SMARCA2: variants seen among roughly 807,000 people sequenced by gnomAD.
The protein encoded by SMARCA2 is SWI/SNF-related matrix-associated actin-dependent regulator of chromatin subfamily A member 2.
SMARCA2 carries 61 observed loss-of-function variants against 199.8 expected under a neutral mutation model. The observed-to-expected ratio is 0.31, with a 90% confidence interval of 0.25 to 0.38. SMARCA2 has a LOEUF of 0.38. SMARCA2 is among the 10% of genes least tolerant of loss of function. SMARCA2 has a pLI of 1.00. For missense variants in SMARCA2, 1,344 were observed against 2,012.2 expected, an observed-to-expected ratio of 0.67 and a Z score of 6.35; for synonymous variants, 935 against 732.0, an observed-to-expected ratio of 1.28 and a Z score of -4.48.
In SMARCA2 at chr9:2,140,303, A is replaced by G. The variant is rs368535060; in HGVS notation, c.3981+16366A>G. ...CCATATTCATTTGCATTTAATTTTA[A>G]AATATCAATACACTGATGTCATGGT... On this transcript the variant is annotated intron_variant, in intron 27 of 33. Transcript: ENST00000349721. Among the ~76,000 whole-genome samples the G allele has an allele frequency of 2.6e-5, 4 of 152,310 alleles. No individual in the cohort carries two copies. The East Asian group carries it at 5.8e-4, about 22-fold the overall frequency.
intron 5 of SMARCA2, among the ~76,000 whole-genome samples, chr9:2,054,184 A>G (rs1480531621): frequency 6.6e-6 from 1 of 152,230 alleles, no homozygotes; most frequent in African/African-American, 2.4e-5. Context: ...GCCTTAGGAC[A>G]GAACTAGAAG....
intron 12 of SMARCA2, chr9:2,075,084 C>G (rs1348769462): frequency 6.6e-6 from 1 of 152,320 alleles, no homozygotes; most frequent in African/African-American, 2.4e-5. Context: ...CTGAGAATGA[C>G]AAGCACAGAC....
chr9:2,119,591 G>C lies in SMARCA2; in HGVS notation c.3762+56G>C. On this transcript the variant is annotated intron_variant, in intron 26 of 33. Transcript: ENST00000349721. The surrounding 1 kb of genome is among the most constrained non-coding windows in gnomAD (Gnocchi z 4.6). ...GCTTTATACCTCTGCCCCTTTTTCT[G>C]TTAAGCAGAATGTCTGCAGCCTGCG... The C allele has an allele frequency of 2.4e-6, 3 of 1,231,578 alleles. No individual in the cohort carries two copies. Among genetic ancestry groups the C allele is most frequent in the Non-Finnish European group, 3.6e-6 (3 of 837,202 alleles). The allele number at this position is 1,231,578 out of a possible 1,614,324, so 76.3% of individuals were successfully genotyped here. A position where few individuals can be genotyped will look rare whatever the true frequency, so the allele number is the denominator to read the frequency against.
At chr9:2,128,864 A>C (rs1215509242) in intron 27 of SMARCA2, among the ~76,000 whole-genome samples, 1 of 152,098 alleles carries the variant, frequency 6.6e-6, no homozygotes, top group Non-Finnish European at 1.5e-5. Flanking sequence ...TTGCATTTCA[A>C]CCCAGCTGCA....
At chr9:2,062,220 T>A (rs994993879) in intron 9 of SMARCA2, among the ~76,000 whole-genome samples, 2 of 152,068 alleles carry the variant, frequency 1.3e-5, no homozygotes, top group Non-Finnish European at 2.9e-5. Flanking sequence ...CCAGAAAAAA[T>A]TTTTAAAAAT....
At chr9:2,132,325 G>C (rs1003676862) in intron 27 of SMARCA2, among the ~76,000 whole-genome samples, 1 of 152,238 alleles carries the variant, frequency 6.6e-6, no homozygotes, top group Non-Finnish European at 1.5e-5. Context: ...GCTGCATTAA[G>C]TATGATCCAG....
intron 29 of SMARCA2, 148 bp from the exon 30 acceptor site, chr9:2,181,423 G>C (rs1305723270): frequency 1.0e-5 from 6 of 601,702 alleles, no homozygotes; most frequent in African/African-American, 3.8e-5. Context: ...CTCCAATAGA[G>C]TTGTGGGATT....
chr9:2,187,975 G>C (rs1291464900), intron 32 of SMARCA2, among the ~76,000 whole-genome samples: 1 of 152,040 alleles, frequency 6.6e-6, no homozygotes, highest in African/African-American at 2.4e-5. Context: ...GGAAAAAAAG[G>C]TAACGTCTCA....
At chr9:2,107,321 AATTTAATTTT>A (rs920323761) in intron 23 of SMARCA2, among the ~76,000 whole-genome samples, 9 of 152,096 alleles carry the variant, frequency 5.9e-5, no homozygotes, top group African/African-American at 2.2e-4. Flanking sequence ...CAGTTTATTT[AATTTAATTTT>A]ATTTTATTTT....
chr9:2,159,673 G>A (rs1410492646), intron 27 of SMARCA2: 1 of 1,002,186 alleles, frequency 1.0e-6, no homozygotes, highest in Non-Finnish European at 1.4e-6. Context: ...GAAGGAGGAA[G>A]CCTTCGGGCC....
intron 23 of SMARCA2, among the ~76,000 whole-genome samples, chr9:2,105,862 A>G (rs1184960356): frequency 6.6e-6 from 1 of 152,194 alleles, no homozygotes; most frequent in Non-Finnish European, 1.5e-5. Context: ...ACTTTGTGGC[A>G]TTTCATTTCC....
At chr9:2,027,838 C>T (rs146615445) in intron 1 of SMARCA2, 2 of 152,222 alleles carry the variant, frequency 1.3e-5, no homozygotes, top group Admixed American at 6.5e-5. Flanking sequence ...AAAAGTTTCT[C>T]CATGTACAGA....
intron 32 of SMARCA2, among the ~76,000 whole-genome samples, chr9:2,189,388 T>A (rs1020225256): frequency 1.3e-5 from 2 of 152,050 alleles, no homozygotes; most frequent in African/African-American, 4.8e-5. Context: ...TGCGCCACAC[T>A]CCAAGGCACA....
chr9:2,078,806 G>A (rs938079083), intron 14 of SMARCA2, among the ~76,000 whole-genome samples: 2 of 152,048 alleles, frequency 1.3e-5, no homozygotes, highest in African/African-American at 2.4e-5. Context: ...TTAGCTGGGT[G>A]TGGTGGCGGG....
chr9:2,186,972 G>A (rs895273907), intron 32 of SMARCA2, among the ~76,000 whole-genome samples: 1 of 152,230 alleles, frequency 6.6e-6, no homozygotes, highest in African/African-American at 2.4e-5. Context: ...GTTTGATCCA[G>A]TAGCCTGTTG....
chr9:2,166,078 T>C (rs889634447), intron 28 of SMARCA2, among the ~76,000 whole-genome samples: 3 of 152,234 alleles, frequency 2.0e-5, no homozygotes, highest in Admixed American at 6.5e-5. Flanking sequence ...TTGTTCTACT[T>C]GGAACCTCAG....
chr9:2,108,526 T>C (rs908627778), intron 23 of SMARCA2, among the ~76,000 whole-genome samples: 3 of 152,196 alleles, frequency 2.0e-5, no homozygotes, highest in Admixed American at 2.0e-4. Context: ...TATAGATGTA[T>C]AGTTTTGTAC....
At chr9:2,054,233 T>A (rs1261924251) in intron 5 of SMARCA2, among the ~76,000 whole-genome samples, 1 of 152,254 alleles carries the variant, frequency 6.6e-6, no homozygotes, top group East Asian at 1.9e-4. Context: ...CTCTGCATTC[T>A]GTCTGGCTGG....
At chr9:2,102,334 T>C (rs900313489) in intron 22 of SMARCA2, among the ~76,000 whole-genome samples, 2 of 152,158 alleles carry the variant, frequency 1.3e-5, no homozygotes, top group African/African-American at 4.8e-5. Flanking sequence ...GGTTCTGTGG[T>C]TACTCCTGCT....
Sources: allele counts gnomAD v4.1 joint callset (sites outside exome capture counted in the v4.1 genomes callset), GRCh38; gene constraint gnomAD v4.1.1; non-coding constraint Gnocchi (gnomAD v3.1); transcripts MANE v1.5; gene names NCBI Gene and HGNC (gene_info 2026-07-23, HGNC 2026-07-21).